Variants in ADGRV1 observed in about 807,000 individuals in gnomAD.
The protein encoded by ADGRV1 is adhesion G protein-coupled receptor V1, also known as G-protein coupled receptor 98.
ADGRV1 carries 359 observed loss-of-function variants against 596.2 expected under a neutral mutation model. The ratio of observed to expected loss-of-function variants is 0.60; its 90% CI spans 0.55 to 0.66. The LOEUF is 0.66. Ranked by LOEUF, ADGRV1 falls within the 30% of genes least tolerant of loss-of-function variation. The pLI is 0.00. For missense variants in ADGRV1, 7,274 were observed against 7,575.6 expected, an observed-to-expected ratio of 0.96 and a Z score of 1.48; for synonymous variants, 2,681 against 2,679.2, an observed-to-expected ratio of 1.00 and a Z score of -0.02.
chr5:91,060,399 T>TATATA (rs61065807), intron 85 of ADGRV1, among the ~76,000 whole-genome samples: 16 of 21,540 alleles, frequency 7.4e-4, no homozygotes, highest in Non-Finnish European at 1.2e-3. Context: ...TATATATATA[T>TATATA]TTTTTTTTTT....
rs552881746 is a variant in ADGRV1 at position 90,883,452 on chromosome 5, C to T, written c.17856+19595C>T. On this transcript the variant is annotated intron_variant, in intron 83 of 89. Transcript: ENST00000405460. ...CCGAAAATGGGGTGGTCTTTAGACT[C>T]CTGGTTAGTACTTTGAACATTTTCA... Among the ~76,000 whole-genome samples, 5 of 152,182 alleles carry T rather than the reference C, an allele frequency of 3.3e-5. No homozygotes were observed. The East Asian group carries it at 9.6e-4, about 29-fold the overall frequency.
At chr5:90,596,198 C>T (rs1177055826) in intron 1 of ADGRV1, among the ~76,000 whole-genome samples, 317 of 149,578 alleles carry the variant, frequency 2.1e-3, no homozygotes, top group African/African-American at 7.4e-3. Context: ...GATGGGCGGC[C>T]GGGCAGAGAC....
chr5:90,614,329 G>T (rs553272091), intron 1 of ADGRV1: 1 of 295,814 alleles, frequency 3.4e-6, no homozygotes, highest in Non-Finnish European at 6.6e-6. Flanking sequence ...GAATTTCTTT[G>T]CAATAACTAA....
At chr5:90,638,023 C>A in intron 11 of ADGRV1, 75 bp downstream of exon 11, 3 of 1,051,414 alleles carry the variant, frequency 2.9e-6, no homozygotes, top group Non-Finnish European at 4.1e-6. Context: ...TTTTTTTTTA[C>A]TCTTTTTTTT....
intron 87 of ADGRV1, among the ~76,000 whole-genome samples, chr5:91,112,408 A>G (rs1167071327): frequency 6.6e-6 from 1 of 152,198 alleles, no homozygotes; most frequent in Non-Finnish European, 1.5e-5. Context: ...TGTGTTAATA[A>G]CATGCTTTTC....
At chr5:90,992,366 A>G (rs1256733691) in intron 85 of ADGRV1, among the ~76,000 whole-genome samples, 4 of 152,170 alleles carry the variant, frequency 2.6e-5, no homozygotes, top group Non-Finnish European at 5.9e-5. Flanking sequence ...ATCACTCCAA[A>G]CCACAACCTT....
intron 83 of ADGRV1, among the ~76,000 whole-genome samples, chr5:90,879,270 A>G (rs1769520002): frequency 6.6e-6 from 1 of 152,222 alleles, no homozygotes; most frequent in Non-Finnish European, 1.5e-5. Flanking sequence ...TTATATTCAC[A>G]AGAAAACCCA....
rs752777461 is a variant in ADGRV1, at chr5:90,725,132, G to T, written c.9953G>T (p.Gly3318Val). 4 of 1,542,346 alleles carry T rather than the reference G, an allele frequency of 2.6e-6. No individual in the cohort carries two copies. The highest frequency in any genetic ancestry group is 2.6e-6 in the Non-Finnish European group (3 of 1,135,780). The change falls in exon 47 of 90, where the codon GGT becomes GTT. Residue 3318 changes from glycine (G) to valine (V), a missense_variant. Around this residue, in one of 5 missense-constraint regions of ADGRV1, gnomAD observed 3,643 missense variants for 3,809.2 expected, o/e 0.96. Transcript: ENST00000405460. ...AAAACTTGTGAGGCCTTTAATATTGGTTTTTCTCCCTACTTTGTGATTACT... is the reference window on the plus strand; with the variant it reads ...AAAACTTGTGAGGCCTTTAATATTGTTTTTTCTCCCTACTTTGTGATTACT... ...NPKTCEAFNIGFSPYFVITHE... is the reference protein window; with the variant it reads ...NPKTCEAFNIVFSPYFVITHE...
chr5:90,604,468 A>T (rs73179759), intron 1 of ADGRV1, among the ~76,000 whole-genome samples: 6,046 of 152,188 alleles, frequency 0.04, 348 homozygotes, highest in African/African-American at 0.13. Flanking sequence ...GAAAAAAAAA[A>T]TTTTGTTTGA....
intron 87 of ADGRV1, among the ~76,000 whole-genome samples, chr5:91,129,739 T>C (rs941425277): frequency 6.6e-6 from 1 of 152,186 alleles, no homozygotes; most frequent in Admixed American, 6.5e-5. Flanking sequence ...AAAAATCAAA[T>C]TTTAATGCTA....
intron 75 of ADGRV1, among the ~76,000 whole-genome samples, chr5:90,816,433 T>C (rs945577021): frequency 6.6e-6 from 1 of 151,740 alleles, no homozygotes; most frequent in African/African-American, 2.4e-5. Flanking sequence ...TATTATACTT[T>C]AAGTTTTAGG....
intron 85 of ADGRV1, among the ~76,000 whole-genome samples, chr5:91,031,515 G>C (rs573543659): frequency 6.6e-6 from 1 of 152,310 alleles, no homozygotes; most frequent in Non-Finnish European, 1.5e-5. Flanking sequence ...TGGGTCACCA[G>C]GCTGGGAGAA....
At chr5:90,732,197 T>A (rs751411492) in intron 50 of ADGRV1, among the ~76,000 whole-genome samples, 134 of 152,102 alleles carry the variant, frequency 8.8e-4, no homozygotes, top group Non-Finnish European at 1.3e-3. Flanking sequence ...AAAAGTGGAG[T>A]TTCTTTGTGT....
Position 91,102,345 on chromosome 5 carries a change from G to A in ADGRV1, c.18432+5G>A. ...GTCATTTTCAACAGTCTGCAGGTAA[G>A]CCTTACAATTTGGTTAGTGACAACA... On this transcript the variant is annotated splice_donor_5th_base_variant and intron_variant, in intron 87 of 89. Transcript: ENST00000405460. 6.3e-7 allele frequency: 1 copy of A among 1,577,366 alleles called. No individual in the cohort carries two copies. Among genetic ancestry groups the A allele is most frequent in the Non-Finnish European group, 8.6e-7 (1 of 1,163,932 alleles).
chr5:90,652,294 C>T, intron 18 of ADGRV1, 52 bp from the exon 19 acceptor site: 1 of 1,263,906 alleles, frequency 7.9e-7, no homozygotes. Flanking sequence ...ACAGGAAGCT[C>T]TCATTAGAGT....
intron 25 of ADGRV1, among the ~76,000 whole-genome samples, chr5:90,678,816 C>A (rs1430490097): frequency 6.6e-6 from 1 of 151,800 alleles, no homozygotes; most frequent in African/African-American, 2.4e-5. Context: ...TCCCAATTCT[C>A]AACACGGTTG....
At chr5:90,796,817 T>A (rs1333183820) in intron 70 of ADGRV1, among the ~76,000 whole-genome samples, 1 of 152,098 alleles carries the variant, frequency 6.6e-6, no homozygotes, top group East Asian at 1.9e-4. Context: ...GGGCCAATAT[T>A]CAACATTCTT....
chr5:90,768,175 C>A (rs142595904), intron 59 of ADGRV1, among the ~76,000 whole-genome samples: 1 of 152,146 alleles, frequency 6.6e-6, no homozygotes, highest in South Asian at 2.1e-4. Context: ...TTTCTTCCAG[C>A]GAATAAGTTC....
rs554505424 is a variant in ADGRV1 at position 91,027,046 on chromosome 5, G to T, written c.18152+41524G>T. Among the ~76,000 whole-genome samples, 3 of 151,932 alleles carry T rather than the reference G, an allele frequency of 2.0e-5. No homozygotes were observed. The East Asian group carries it at 5.9e-4, about 30-fold the overall frequency. On this transcript the variant is annotated intron_variant, in intron 85 of 89. Coordinates refer to ENST00000405460, the MANE Select transcript of ADGRV1 (RefSeq NM_032119.4). Reference sequence around the variant, plus strand: ...AGTCCCAGCTACTCAGGAGGCTGAGGCAGGAGAATCTCTTGAACCCAGGAG... The same window carrying T: ...AGTCCCAGCTACTCAGGAGGCTGAGTCAGGAGAATCTCTTGAACCCAGGAG...
Sources: allele counts gnomAD v4.1 joint callset (sites outside exome capture counted in the v4.1 genomes callset), GRCh38; gene constraint gnomAD v4.1.1; regional missense constraint gnomAD v4.1.1; transcripts MANE v1.5; gene names NCBI Gene and HGNC (gene_info 2026-07-23, HGNC 2026-07-21).